The following CREB5 variants were observed in gnomAD, a reference collection of about 807,000 sequenced individuals.
CREB5 encodes the protein cyclic AMP-responsive element-binding protein 5.
In CREB5, 19 loss-of-function variants were observed where a neutral mutation model predicts 57.1. That is an observed-to-expected ratio of 0.33 (90% CI 0.23 to 0.49). The LOEUF (loss-of-function observed/expected upper bound fraction) is 0.49, where lower values mean the gene tolerates loss of function less well. Among genes scored for constraint, CREB5 ranks in the 20% least tolerant of loss-of-function variants. The probability of loss-of-function intolerance (pLI) is 0.99; values close to 1 mark genes in which losing one functional copy is unlikely to be tolerated. For synonymous variants in CREB5, 238 were observed against 238.3 expected, an observed-to-expected ratio of 1.00 and a Z score of 0.01; for missense variants, 579 against 671.6, an observed-to-expected ratio of 0.86 and a Z score of 1.52.
chr7:28,782,626 T>C (rs1434840514), intron 7 of CREB5, among the ~76,000 whole-genome samples: 1 of 152,204 alleles, frequency 6.6e-6, no homozygotes, highest in Non-Finnish European at 1.5e-5. Flanking sequence ...TTCCACTTGA[T>C]TGTATTCAAC....
At chr7:28,640,816 A>G (rs1219569127) in intron 5 of CREB5, among the ~76,000 whole-genome samples, 1 of 152,188 alleles carries the variant, frequency 6.6e-6, no homozygotes, top group Non-Finnish European at 1.5e-5. Context: ...TCCCTAGAGT[A>G]CTGAGGGAAA....
chr7:28,377,931 C>CAAAAAAAAAAAAAAAAAAA (rs57930477), intron 1 of CREB5, among the ~76,000 whole-genome samples: 2 of 112,380 alleles, frequency 1.8e-5, no homozygotes, highest in African/African-American at 6.9e-5. Context: ...GACTCTATCT[C>CAAAAAAAAAAAAAAAAAAA]AAAAAAAAAA....
At chr7:28,687,012 T>G (rs1800970778) in intron 5 of CREB5, among the ~76,000 whole-genome samples, 1 of 152,094 alleles carries the variant, frequency 6.6e-6, no homozygotes, top group South Asian at 2.1e-4. Flanking sequence ...TGAGTGTAAC[T>G]GGTGAATTGT....
At chr7:28,676,765 C>T (rs1339182430) in intron 5 of CREB5, among the ~76,000 whole-genome samples, 4 of 152,088 alleles carry the variant, frequency 2.6e-5, no homozygotes, top group South Asian at 4.2e-4. Context: ...TAGACTTCTC[C>T]GTTACCACTG....
chr7:28,360,541 A>G (rs12700885), intron 1 of CREB5, among the ~76,000 whole-genome samples: 78,193 of 151,942 alleles, frequency 0.51, 20,440 homozygotes, highest in East Asian at 0.69. Context: ...AGCAGAGAGT[A>G]CTGTGGTGGT....
At chr7:28,462,501 T>C (rs1272131135) in intron 1 of CREB5, among the ~76,000 whole-genome samples, 2 of 152,188 alleles carry the variant, frequency 1.3e-5, no homozygotes, top group East Asian at 3.9e-4. Flanking sequence ...ACTACAAAAC[T>C]GTTTTCTCAA....
chr7:28,699,470 C>A (rs1012276093), intron 5 of CREB5, among the ~76,000 whole-genome samples: 2 of 151,988 alleles, frequency 1.3e-5, no homozygotes, highest in African/African-American at 4.8e-5. Flanking sequence ...TCTCTGGGAA[C>A]CAAAATTAAT....
intron 5 of CREB5, among the ~76,000 whole-genome samples, chr7:28,574,669 AT>A (rs1388324611): frequency 1.3e-5 from 2 of 152,076 alleles, no homozygotes. Context: ...TATTCTACAT[AT>A]TTTTTTCTTA....
chr7:28,533,615 A>T (rs1202389989), intron 4 of CREB5, among the ~76,000 whole-genome samples: 1 of 152,230 alleles, frequency 6.6e-6, no homozygotes, highest in Admixed American at 6.5e-5. Context: ...TAAAAGGCTA[A>T]GGGTTATTTT....
intron 9 of CREB5, among the ~76,000 whole-genome samples, chr7:28,817,100 TAAG>T (rs202103090): frequency 0.015 from 2,227 of 152,204 alleles, 74 homozygotes; most frequent in Admixed American, 0.083. Context: ...CATGAGTAAA[TAAG>T]AAGAAAACCC....
intron 4 of CREB5, among the ~76,000 whole-genome samples, chr7:28,544,666 T>A (rs1039077137): frequency 6.6e-6 from 1 of 152,132 alleles, no homozygotes; most frequent in African/African-American, 2.4e-5. Flanking sequence ...TGAGGAGCCA[T>A]ACAGGATAAT....
intron 4 of CREB5, among the ~76,000 whole-genome samples, chr7:28,520,826 G>A (rs1476386997): frequency 6.6e-6 from 1 of 152,224 alleles, no homozygotes; most frequent in Non-Finnish European, 1.5e-5. Flanking sequence ...TTAGAGCAAG[G>A]TGCACTTTTG....
intron 7 of CREB5, among the ~76,000 whole-genome samples, chr7:28,734,224 A>C (rs1288657480): frequency 1.3e-5 from 2 of 150,858 alleles, no homozygotes; most frequent in African/African-American, 2.4e-5. Context: ...AAAAAAAAAA[A>C]AAAAAACACA....
At chr7:28,816,698 GA>G (rs1809461055) in intron 9 of CREB5, among the ~76,000 whole-genome samples, 1 of 152,156 alleles carries the variant, frequency 6.6e-6, no homozygotes, top group Non-Finnish European at 1.5e-5. Flanking sequence ...GCAACTTCTA[GA>G]ATCCCAAACA....
intron 5 of CREB5, among the ~76,000 whole-genome samples, chr7:28,586,310 G>T (rs1796305322): frequency 6.6e-6 from 1 of 152,200 alleles, no homozygotes. Flanking sequence ...AGGGGAGGAG[G>T]CAGCGAGTTC....
intron 5 of CREB5, among the ~76,000 whole-genome samples, chr7:28,663,270 T>A (rs975744372): frequency 6.6e-6 from 1 of 151,968 alleles, no homozygotes; most frequent in African/African-American, 2.4e-5. Flanking sequence ...AGTGGAGTGA[T>A]CTCAGCTCAC....
At chr7:28,431,439 C>T (rs533424974) in intron 1 of CREB5, among the ~76,000 whole-genome samples, 13 of 152,218 alleles carry the variant, frequency 8.5e-5, no homozygotes, top group Admixed American at 5.9e-4. Context: ...GGAAAATTGG[C>T]GTTAAAGCCT....
At chr7:28,653,049 G>C (rs41421947) in intron 5 of CREB5, among the ~76,000 whole-genome samples, 6,940 of 152,226 alleles carry the variant, frequency 0.046, 418 homozygotes, top group East Asian at 0.24. Context: ...ATAAAATTAG[G>C]AAAGTGAGTA....
chr7:28,626,012 C>G (rs1033379738), intron 5 of CREB5, among the ~76,000 whole-genome samples: 1 of 152,154 alleles, frequency 6.6e-6, no homozygotes, highest in Non-Finnish European at 1.5e-5. Context: ...GAAAAGTTTA[C>G]GATAATGATA....
Sources: allele counts gnomAD v4.1 joint callset (sites outside exome capture counted in the v4.1 genomes callset), GRCh38; gene constraint gnomAD v4.1.1; transcripts MANE v1.5; gene names NCBI Gene and HGNC (gene_info 2026-07-23, HGNC 2026-07-21).